EML4: variants seen among roughly 807,000 people sequenced by gnomAD.
EML4 encodes EMAP like 4, also known as echinoderm microtubule-associated protein-like 4.
In EML4, 72 loss-of-function variants were observed where a neutral mutation model predicts 129.0. That is an observed-to-expected ratio of 0.56 (90% CI 0.46 to 0.68). The LOEUF (loss-of-function observed/expected upper bound fraction) is 0.68, where lower values mean the gene tolerates loss of function less well. Among genes scored for constraint, EML4 ranks in the 30% least tolerant of loss-of-function variants. EML4 has a pLI of 0.00. For synonymous variants in EML4, 532 were observed against 405.0 expected, an observed-to-expected ratio of 1.31 and a Z score of -3.77; for missense variants, 1,363 against 1,190.6, an observed-to-expected ratio of 1.14 and a Z score of -2.13.
In EML4 at chr2:42,265,710, C is replaced by A. The variant is rs190893524; in HGVS notation, c.667+979C>A. ...GATAAATTTTAACTCAGTTTCCTGT[C>A]TTGCCAACTTCATTGCAAATAATCA... On this transcript the variant is annotated intron_variant, in intron 6 of 22. Coordinates refer to ENST00000318522, the MANE Select transcript of EML4 (RefSeq NM_019063.5). Among the ~76,000 whole-genome samples, 32 of 152,250 alleles carry A rather than the reference C, an allele frequency of 2.1e-4. No homozygotes were observed. The East Asian group carries it at 5.8e-3, about 28-fold the overall frequency.
chr2:42,230,342 A>G (rs1195339594), intron 1 of EML4, among the ~76,000 whole-genome samples: 2 of 152,190 alleles, frequency 1.3e-5, no homozygotes, highest in Non-Finnish European at 2.9e-5. Flanking sequence ...ATCCTACAAT[A>G]TTATGAGTTG....
At chr2:42,221,085 T>C (rs917494688) in intron 1 of EML4, among the ~76,000 whole-genome samples, 10 of 152,284 alleles carry the variant, frequency 6.6e-5, no homozygotes, top group Non-Finnish European at 1.3e-4. Context: ...GCAGGTTATC[T>C]AGAAGATTTA....
At chr2:42,201,237 CTG>C (rs1297937287) in intron 1 of EML4, among the ~76,000 whole-genome samples, 1 of 152,214 alleles carries the variant, frequency 6.6e-6, no homozygotes, top group Non-Finnish European at 1.5e-5. Flanking sequence ...AGGCATCACT[CTG>C]TATCAGAATC....
At chr2:42,222,607 AC>A (rs924804128) in intron 1 of EML4, among the ~76,000 whole-genome samples, 24 of 151,730 alleles carry the variant, frequency 1.6e-4, no homozygotes, top group Non-Finnish European at 2.4e-4. Flanking sequence ...AAGTTTGCCA[AC>A]CCCTGTTCTT....
intron 9 of EML4, chr2:42,285,877 G>T: frequency 4.6e-6 from 1 of 216,588 alleles, no homozygotes; most frequent in South Asian, 7.0e-5. Flanking sequence ...AGGATTACCG[G>T]TGTGGGCCCC....
At chr2:42,207,719 C>T (rs111650107) in intron 1 of EML4, among the ~76,000 whole-genome samples, 10 of 152,160 alleles carry the variant, frequency 6.6e-5, no homozygotes, top group African/African-American at 2.4e-4. Flanking sequence ...CTGGTCTTCA[C>T]TCAGTTCTGA....
At chr2:42,258,711 T>G (rs1665517486) in intron 3 of EML4, among the ~76,000 whole-genome samples, 1 of 150,474 alleles carries the variant, frequency 6.6e-6, no homozygotes, top group Non-Finnish European at 1.5e-5. Flanking sequence ...AAATTGTATT[T>G]CTTAGCACCT....
rs1440952836 is a variant in EML4 at position 42,331,527 on chromosome 2, TTTTGA to T, written c.*1324_*1328del. The T allele has an allele frequency of 4.5e-5, 10 of 223,730 alleles. No homozygotes were observed. Among genetic ancestry groups the T allele is most frequent in the African/African-American group, 2.0e-4 (9 of 44,834 alleles). 13.9% of individuals were successfully genotyped at this position (223,730 alleles called of 1,614,324 possible). On this transcript the variant is annotated 3_prime_UTR_variant, in exon 23 of 23. Coordinates refer to ENST00000318522, the MANE Select transcript of EML4 (RefSeq NM_019063.5). Reference sequence around the variant, plus strand: ...ACTTTGATTATAAAAAAGTATTTTGTTTTGATTTTTTAACTTGCTGCATTGTTTTG... The same window carrying T: ...ACTTTGATTATAAAAAAGTATTTTGTTTTTTTAACTTGCTGCATTGTTTTG...
intron 17 of EML4, among the ~76,000 whole-genome samples, chr2:42,308,832 A>C (rs1328198318): frequency 1.3e-5 from 2 of 152,148 alleles, no homozygotes; most frequent in African/African-American, 4.8e-5. Flanking sequence ...AAATGGAATG[A>C]ATCATATAAC....
At chr2:42,275,065 T>C (rs939011501) in intron 6 of EML4, among the ~76,000 whole-genome samples, 4 of 152,192 alleles carry the variant, frequency 2.6e-5, no homozygotes, top group Admixed American at 1.3e-4. Context: ...CTTAGCAGTA[T>C]CTGAACAGCA....
At position 42,214,797 on chromosome 2, in the gene EML4, G is replaced by T. The variant is rs370552540; in HGVS notation, c.26-30708G>T. ...TGTATCTGTGGCCTCTGGTATGGTG[G>T]CTCAGAGTAGTTGGACTTCTTAAAG... On this transcript the variant is annotated intron_variant, in intron 1 of 22. Coordinates refer to ENST00000318522, the MANE Select transcript of EML4 (RefSeq NM_019063.5). 1.1e-4 allele frequency among the ~76,000 whole-genome samples: 16 copies of T among 152,286 alleles called. No individual in the cohort carries two copies. The East Asian group carries it at 1.9e-3, about 18-fold the overall frequency.
chr2:42,278,057 T>G (rs1289271006), intron 6 of EML4, among the ~76,000 whole-genome samples: 3 of 152,230 alleles, frequency 2.0e-5, no homozygotes, highest in African/African-American at 7.2e-5. Context: ...ACATTTTCAG[T>G]CTGGTTCTAA....
At chr2:42,314,608 C>T (rs1424994932) in intron 17 of EML4, among the ~76,000 whole-genome samples, 3 of 152,172 alleles carry the variant, frequency 2.0e-5, no homozygotes, top group African/African-American at 7.2e-5. Flanking sequence ...CTATTAAATA[C>T]CTCTTGCCAA....
At chr2:42,245,127 C>T (rs1255575480) in intron 1 of EML4, among the ~76,000 whole-genome samples, 2 of 48,288 alleles carry the variant, frequency 4.1e-5, no homozygotes, top group Non-Finnish European at 6.7e-5. Context: ...CAGACTCTTG[C>T]TCTGTTGCCC....
chr2:42,249,752 T>C lies in EML4; in HGVS notation c.208+4065T>C, dbSNP rs116587857. ...GTATTTAAAGCTAAGCCCCATTTTT[T>C]TCTTGAGTAAATTATGCAGGACACT... On this transcript the variant is annotated intron_variant, in intron 2 of 22. Coordinates refer to ENST00000318522, the MANE Select transcript of EML4 (RefSeq NM_019063.5). Among the ~76,000 whole-genome samples the C allele has an allele frequency of 3.5e-3, 536 of 152,330 alleles. 6 individuals are homozygous for C. The highest frequency in any genetic ancestry group is 0.012 in the African/African-American group (498 of 41,578).
At chr2:42,264,416 C>G (rs1360705522) in intron 5 of EML4, among the ~76,000 whole-genome samples, 4 of 152,154 alleles carry the variant, frequency 2.6e-5, no homozygotes, top group Non-Finnish European at 5.9e-5. Flanking sequence ...CTGTGCCCAG[C>G]CAAATAATAA....
At chr2:42,273,850 C>G (rs1446756888) in intron 6 of EML4, among the ~76,000 whole-genome samples, 1 of 152,080 alleles carries the variant, frequency 6.6e-6, no homozygotes, top group African/African-American at 2.4e-5. Flanking sequence ...ATTTTTACAG[C>G]TAGATCATTG....
At chr2:42,292,013 CTG>C (rs1406126289) in intron 11 of EML4, among the ~76,000 whole-genome samples, 1 of 152,168 alleles carries the variant, frequency 6.6e-6, no homozygotes, top group Non-Finnish European at 1.5e-5. Context: ...GGCAAAGTAA[CTG>C]GAACTCTCAC....
chr2:42,307,000 G>A (rs551130733), intron 17 of EML4, among the ~76,000 whole-genome samples: 1 of 152,200 alleles, frequency 6.6e-6, no homozygotes, highest in Non-Finnish European at 1.5e-5. Flanking sequence ...TAGAAATATT[G>A]TTAGGAAGGT....
Sources: allele counts gnomAD v4.1 joint callset (sites outside exome capture counted in the v4.1 genomes callset), GRCh38; gene constraint gnomAD v4.1.1; transcripts MANE v1.5; gene names NCBI Gene and HGNC (gene_info 2026-07-23, HGNC 2026-07-21).